The following ARMC6 variants were observed in gnomAD, a reference collection of about 807,000 sequenced individuals.
ARMC6 encodes armadillo repeat-containing protein 6.
Under a neutral mutation model 49.2 loss-of-function variants are expected in ARMC6, and 43 were observed. The ratio of observed to expected loss-of-function variants is 0.87; its 90% CI spans 0.69 to 1.13. The LOEUF (loss-of-function observed/expected upper bound fraction) is 1.13. Ranked by LOEUF, ARMC6 falls within the 50% of genes most tolerant of loss-of-function variation. The pLI, the probability that ARMC6 is intolerant of heterozygous loss-of-function variation, is 0.00. For synonymous variants in ARMC6, 262 were observed against 289.6 expected, an observed-to-expected ratio of 0.90 and a Z score of 0.97; for missense variants, 627 against 682.0, an observed-to-expected ratio of 0.92 and a Z score of 0.90.
chr19:19,044,529 A>T (rs886882222), intron 4 of ARMC6, among the ~76,000 whole-genome samples: 1 of 152,238 alleles, frequency 6.6e-6, no homozygotes, highest in African/African-American at 2.4e-5. Flanking sequence ...TGTCTTAGTG[A>T]TGGGGAAACA....
chr19:19,052,417 G>A (rs2059506644), intron 5 of ARMC6, among the ~76,000 whole-genome samples: 1 of 152,162 alleles, frequency 6.6e-6, no homozygotes, highest in African/African-American at 2.4e-5. Context: ...CCAGGAGCAG[G>A]CCACAATCCC....
rs767955278 is a variant in ARMC6 at position 19,054,231 on chromosome 19, G to A, written c.933G>A (p.Gln311=). 3.7e-6 allele frequency: 6 copies of A among 1,611,856 alleles called. No individual in the cohort carries two copies. In the East Asian group the frequency reaches 1.3e-4, roughly 36 times the overall value. The part of the protein sequence containing the change: ...SRLAIRNEFC[Q]EVVDLGGLSI... ...TGGCCATTCGCAACGAGTTCTGCCA[G>A]GAGGTCGTCGACCTCGGGGGCCTGA... The change falls in exon 6 of 9, where the codon CAG becomes CAA. Residue 311 remains glutamine, a synonymous_variant. Coordinates refer to ENST00000535612, the MANE Select transcript of ARMC6 (RefSeq NM_001199196.2).
intron 4 of ARMC6, among the ~76,000 whole-genome samples, chr19:19,045,490 A>ATTTTTTTTT (rs1355279150): frequency 3.5e-5 from 1 of 28,220 alleles, no homozygotes; most frequent in Non-Finnish European, 7.4e-5. Flanking sequence ...ATTATGCTAA[A>ATTTTTTTTT]TTCTTTTTTT....
At chr19:19,046,461 T>G (rs1053677707) in intron 4 of ARMC6, among the ~76,000 whole-genome samples, 5 of 151,986 alleles carry the variant, frequency 3.3e-5, no homozygotes, top group African/African-American at 9.7e-5. Flanking sequence ...CCTCCCAAAG[T>G]GCTGGGATTA....
chr19:19,051,933 T>G lies in ARMC6; in HGVS notation c.591T>G (p.Ser197=), dbSNP rs1303236263. The stretch of plus-strand genomic sequence containing the variant: ...CTGATGAGGCTGACCTGACCTGCTC[T>G]GGGATCCGCTGTGTGCGTCACGCTT... The part of the protein sequence containing the change: ...QNADEADLTC[S]GIRCVRHACL... The change falls in exon 5 of 9, where the codon TCT becomes TCG. Residue 197 remains serine, a synonymous_variant. Transcript: ENST00000535612. The G allele has an allele frequency of 6.2e-7, 1 of 1,614,184 alleles. No homozygotes were observed. The highest frequency in any genetic ancestry group is 1.7e-5 in the Admixed American group (1 of 60,030).
chr19:19,037,889 A>AC (rs2059383076), intron 2 of ARMC6, among the ~76,000 whole-genome samples: 1 of 152,150 alleles, frequency 6.6e-6, no homozygotes, highest in Non-Finnish European at 1.5e-5. Flanking sequence ...TGGGTCACAG[A>AC]CCCATACTGG....
chr19:19,039,673 G>A (rs962688057), intron 2 of ARMC6, among the ~76,000 whole-genome samples: 5 of 152,130 alleles, frequency 3.3e-5, no homozygotes, highest in East Asian at 1.9e-4. Context: ...CTTCTTTGAC[G>A]AGACATCATG....
At position 19,042,700 on chromosome 19, in the gene ARMC6, T is replaced by A; in HGVS notation, c.30-11T>A. 9 of 1,611,718 alleles carry A rather than the reference T, an allele frequency of 5.6e-6. No homozygotes were observed. Among genetic ancestry groups the A allele is most frequent in the Non-Finnish European group, 7.6e-6 (9 of 1,179,956 alleles). ...CCTTGAGGTAGCTCTCTCTTTGCCC[T>A]AACCTCTCAGCTCAGGAGCATCTAT... On this transcript the variant is annotated splice_polypyrimidine_tract_variant and intron_variant, in intron 2 of 8. Coordinates refer to ENST00000535612, the MANE Select transcript of ARMC6 (RefSeq NM_001199196.2).
In ARMC6 at chr19:19,044,360, T is replaced by C. The variant is rs1046814816; in HGVS notation, c.279+286T>C. ...CCCAGAGTCAGGGACACCATAGAGG[T>C]GCCCCTCTGGCTTCCCAGAGACAGA... On this transcript the variant is annotated intron_variant, in intron 4 of 8. Transcript: ENST00000535612. 1.1e-4 allele frequency among the ~76,000 whole-genome samples: 16 copies of C among 152,230 alleles called. No individual in the cohort carries two copies. In the East Asian group the frequency reaches 2.1e-3, roughly 20 times the overall value.
In ARMC6 at chr19:19,034,139, C is replaced by T. The variant is rs2059312680; in HGVS notation, c.-71C>T. 3 of 1,002,170 alleles carry T rather than the reference C, an allele frequency of 3.0e-6. No homozygotes were observed. The Admixed American group carries it at 5.5e-5, about 19-fold the overall frequency. The allele number at this position is 1,002,170 out of a possible 1,614,324, so 62.1% of individuals were successfully genotyped here. A position where few individuals can be genotyped will look rare whatever the true frequency, so the allele number is the denominator to read the frequency against. ...TTTATTTATTCATTCAGCACCTGTG[C>T]ACTGAGTGCCTGCTGCGTGTCGGGC... On this transcript the variant is annotated 5_prime_UTR_variant, in exon 2 of 9. Coordinates refer to ENST00000535612, the MANE Select transcript of ARMC6 (RefSeq NM_001199196.2).
In ARMC6 at chr19:19,054,193, AC is replaced by A. The variant is rs2059523513; in HGVS notation, c.898del (p.Leu300CysfsTer20). 1 of 1,610,198 alleles carries A rather than the reference AC, an allele frequency of 6.2e-7. No homozygotes were observed. Among genetic ancestry groups the A allele is most frequent in the East Asian group, 2.2e-5 (1 of 44,450 alleles). ...NPGILSELCG[T>X]LSRLAIRNEF... ...TGGCATCCTGAGCGAGCTCTGTGGA[AC>A]CCTGTCCCGCCTGGCCATTCGCAAC... On this transcript the variant is annotated frameshift_variant, in exon 6 of 9. Coordinates refer to ENST00000535612, the MANE Select transcript of ARMC6 (RefSeq NM_001199196.2). LOFTEE classifies it high-confidence loss of function.
intron 2 of ARMC6, among the ~76,000 whole-genome samples, chr19:19,034,942 A>G (rs1021072869): frequency 1.3e-5 from 2 of 151,294 alleles, no homozygotes; most frequent in Non-Finnish European, 2.9e-5. Flanking sequence ...GCTCACTGCA[A>G]GCTCCGTCTC....
chr19:19,037,264 C>T (rs994081190), intron 2 of ARMC6, among the ~76,000 whole-genome samples: 3 of 152,056 alleles, frequency 2.0e-5, no homozygotes, highest in Non-Finnish European at 4.4e-5. Flanking sequence ...GTCCTTCTCC[C>T]GTCAGGCAGT....
At chr19:19,039,383 C>T in intron 2 of ARMC6, 1 of 453,342 alleles carries the variant, frequency 2.2e-6, no homozygotes, top group Non-Finnish European at 4.4e-6. Context: ...ACAGTCCTCC[C>T]ACCTTGGCCT....
intron 3 of ARMC6, 84 bp from the exon 4 acceptor site, chr19:19,043,908 G>A: frequency 1.6e-6 from 2 of 1,278,068 alleles, no homozygotes; most frequent in East Asian, 2.3e-5. Context: ...AGGGTCCTGA[G>A]GTGTGATTCC....
At chr19:19,037,750 T>A (rs1346555670) in intron 2 of ARMC6, 1 of 1,044,840 alleles carries the variant, frequency 9.6e-7, no homozygotes, top group African/African-American at 1.8e-5. Context: ...GTTGTTAACC[T>A]CTGTTAGGCT....
In ARMC6 at chr19:19,054,133, T is replaced by C; in HGVS notation, c.854-19T>C. 6.6e-7 allele frequency: 1 copy of C among 1,504,218 alleles called. No homozygotes were observed. Among genetic ancestry groups the C allele is most frequent in the Non-Finnish European group, 8.9e-7 (1 of 1,124,390 alleles). 93.2% of individuals were successfully genotyped at this position (1,504,218 alleles called of 1,614,324 possible). Reference sequence around the variant, plus strand: ...CTGGTTCTTCCCGCCCCCACCACCGTCTCCCTTTCTCCCTGCAGCGTTCCT... The same window carrying C: ...CTGGTTCTTCCCGCCCCCACCACCGCCTCCCTTTCTCCCTGCAGCGTTCCT... On this transcript the variant is annotated intron_variant, in intron 5 of 8. Transcript: ENST00000535612.
At chr19:19,049,954 G>C (rs544660277) in intron 4 of ARMC6, among the ~76,000 whole-genome samples, 2 of 152,154 alleles carry the variant, frequency 1.3e-5, no homozygotes, top group African/African-American at 4.8e-5. Context: ...AACCCAGGAG[G>C]TGGAGGTTGC....
At chr19:19,056,912 C>G (rs2059549636) in intron 8 of ARMC6, among the ~76,000 whole-genome samples, 1 of 152,252 alleles carries the variant, frequency 6.6e-6, no homozygotes, top group Non-Finnish European at 1.5e-5. Context: ...GTTCCCCACT[C>G]TGCATGCGCT....
Sources: gnomAD v4.1 joint callset for allele counts (sites outside exome capture counted in the v4.1 genomes callset) on GRCh38, gnomAD v4.1.1 for gene constraint, MANE v1.5 for transcripts, NCBI Gene and HGNC (gene_info 2026-07-23, HGNC 2026-07-21) for gene names.